RNLS: variants seen among roughly 807,000 people sequenced by gnomAD.
RNLS encodes the protein renalase.
In RNLS, 39 loss-of-function variants were observed where a neutral mutation model predicts 39.8. The ratio of observed to expected loss-of-function variants is 0.98; its 90% CI spans 0.76 to 1.28. The LOEUF is 1.28. Ranked by LOEUF, RNLS falls within the 50% of genes most tolerant of loss-of-function variation. RNLS has a pLI of 0.00. For missense variants in RNLS, 410 were observed against 413.3 expected (o/e 0.99, Z 0.07); for synonymous variants, 147 against 150.7 (o/e 0.98, Z 0.18).
At chr10:88,467,723 G>C (rs931080984) in intron 4 of RNLS, among the ~76,000 whole-genome samples, 5 of 152,144 alleles carry the variant, frequency 3.3e-5, no homozygotes, top group African/African-American at 1.2e-4. Context: ...CAGCCTGGGT[G>C]TCAGGAGACT....
At chr10:88,472,755 T>C (rs2185786) in intron 4 of RNLS, among the ~76,000 whole-genome samples, 45,402 of 152,022 alleles carry the variant, frequency 0.3, 8,195 homozygotes, top group East Asian at 0.46. Context: ...TGGGGGAGCT[T>C]GTTGACAAAG....
chr10:88,199,769 G>C, the RNLS span, among the ~76,000 whole-genome samples: 1 of 152,116 alleles, frequency 6.6e-6, no homozygotes. Context: ...TAAACAAGAC[G>C]AAGTCATTCC....
intron 5 of RNLS, among the ~76,000 whole-genome samples, chr10:88,347,646 T>G (rs560983206): frequency 6.6e-6 from 1 of 152,026 alleles, no homozygotes; most frequent in South Asian, 2.1e-4. Flanking sequence ...ATAAAGCAAC[T>G]GCTCACACCA....
At chr10:88,190,949 C>G in the RNLS span, among the ~76,000 whole-genome samples, 1 of 152,224 alleles carries the variant, frequency 6.6e-6, no homozygotes, top group African/African-American at 2.4e-5. Context: ...CGGAAGCCCC[C>G]AGGGCCAAGT....
chr10:88,348,138 C>T (rs894123172), intron 5 of RNLS, among the ~76,000 whole-genome samples: 3 of 152,130 alleles, frequency 2.0e-5, no homozygotes, highest in Non-Finnish European at 4.4e-5. Context: ...TTTACAGAGC[C>T]AACACACAGT....
chr10:88,177,931 GC>G, the RNLS span, among the ~76,000 whole-genome samples: 1 of 152,220 alleles, frequency 6.6e-6, no homozygotes, highest in African/African-American at 2.4e-5. Flanking sequence ...TGGTCCTTGT[GC>G]CTTTAGGTAG....
downstream of RNLS, among the ~76,000 whole-genome samples, chr10:88,280,798 G>A (rs1343009335): frequency 6.6e-6 from 1 of 152,274 alleles, no homozygotes; most frequent in East Asian, 1.9e-4. Flanking sequence ...TTGTTATTAG[G>A]AGATCCATAG....
the RNLS span, among the ~76,000 whole-genome samples, chr10:88,235,286 A>G: frequency 1.1e-4 from 17 of 151,144 alleles, no homozygotes; most frequent in African/African-American, 3.4e-4. Flanking sequence ...AAAAAAAAAA[A>G]AAAAAGAAAG....
chr10:88,383,249 C>A (rs572314453), intron 4 of RNLS, among the ~76,000 whole-genome samples: 2 of 152,038 alleles, frequency 1.3e-5, no homozygotes, highest in South Asian at 4.1e-4. Context: ...GAGCTCAGGG[C>A]CAAGATTGAA....
the RNLS span, among the ~76,000 whole-genome samples, chr10:88,184,709 A>G: frequency 6.6e-6 from 1 of 152,182 alleles, no homozygotes; most frequent in Non-Finnish European, 1.5e-5. Context: ...AGTTGACAGT[A>G]AACTAAAATT....
chr10:88,583,002 C>G, intron 1 of RNLS, 71 bp downstream of exon 1: 2 of 1,529,872 alleles, frequency 1.3e-6, no homozygotes, highest in Non-Finnish European at 1.8e-6. Flanking sequence ...TTCTTGGGTG[C>G]AGGCCCACAC....
intron 4 of RNLS, among the ~76,000 whole-genome samples, chr10:88,535,282 A>T (rs1262751208): frequency 6.6e-6 from 1 of 152,118 alleles, no homozygotes; most frequent in African/African-American, 2.4e-5. Context: ...TGTATAAGTG[A>T]GTATGTGTGG....
intron 5 of RNLS, among the ~76,000 whole-genome samples, chr10:88,332,171 A>G (rs1847165538): frequency 6.6e-6 from 1 of 152,252 alleles, no homozygotes; most frequent in Non-Finnish European, 1.5e-5. Context: ...TAGTTCTTAT[A>G]TATAGGTTAC....
the RNLS span, among the ~76,000 whole-genome samples, chr10:88,233,672 A>C: frequency 3.9e-5 from 6 of 152,222 alleles, no homozygotes; most frequent in African/African-American, 1.4e-4. Context: ...CTGTATTTTT[A>C]CTTGCTAAAT....
At chr10:88,449,282 C>T (rs938745603) in intron 4 of RNLS, among the ~76,000 whole-genome samples, 3 of 152,214 alleles carry the variant, frequency 2.0e-5, no homozygotes, top group Admixed American at 2.0e-4. Context: ...ACCAAAGACT[C>T]CTTACTTCTT....
chr10:88,455,607 C>T (rs1347857972), intron 4 of RNLS, among the ~76,000 whole-genome samples: 7 of 152,142 alleles, frequency 4.6e-5, no homozygotes, highest in Middle Eastern at 3.4e-3. Context: ...AGGGTTTCAC[C>T]GTGTTAGCCA....
intron 4 of RNLS, among the ~76,000 whole-genome samples, chr10:88,507,103 A>C (rs547920041): frequency 6.6e-6 from 1 of 152,330 alleles, no homozygotes; most frequent in Non-Finnish European, 1.5e-5. Flanking sequence ...CTCAGCAGTT[A>C]AATTACTGCT....
intron 4 of RNLS, among the ~76,000 whole-genome samples, chr10:88,365,430 G>A (rs1033790319): frequency 1.3e-5 from 2 of 150,950 alleles, no homozygotes; most frequent in Non-Finnish European, 2.9e-5. Context: ...CACAAATCAA[G>A]GCTTATATAA....
In RNLS at chr10:88,579,350, A is replaced by C. The variant is rs1850392795; in HGVS notation, c.367+2217T>G. ...TAATTTCTTTATGGCCAGTTTTTACAAAGGAAGGCAGGGGAAAGCTAGAGT... is the reference window on the plus strand; with the variant it reads ...TAATTTCTTTATGGCCAGTTTTTACCAAGGAAGGCAGGGGAAAGCTAGAGT... On this transcript the variant is annotated intron_variant, in intron 3 of 6. Transcript: ENST00000331772. Among the ~76,000 whole-genome samples the C allele has an allele frequency of 2.0e-5, 3 of 152,178 alleles. No individual in the cohort carries two copies. In the South Asian group the frequency reaches 6.2e-4, roughly 32 times the overall value.
Sources: allele counts gnomAD v4.1 joint callset (sites outside exome capture counted in the v4.1 genomes callset), GRCh38; gene constraint gnomAD v4.1.1; transcripts MANE v1.5; gene names NCBI Gene and HGNC (gene_info 2026-07-23, HGNC 2026-07-21).